ATP2B1: variants seen among roughly 807,000 people sequenced by gnomAD.
ATP2B1 encodes the protein ATPase plasma membrane Ca2+ transporting 1, also known as plasma membrane calcium-transporting ATPase 1.
ATP2B1 carries 14 observed loss-of-function variants against 124.2 expected under a neutral mutation model. The ratio of observed to expected loss-of-function variants is 0.11; its 90% CI spans 0.07 to 0.18. The LOEUF is 0.18. ATP2B1 is among the 10% of genes least tolerant of loss of function. The pLI is 1.00. For synonymous variants in ATP2B1, 449 were observed against 492.4 expected (o/e 0.91, Z 1.17); for missense variants, 763 against 1,466.1 (o/e 0.52, Z 7.83).
Position 89,611,197 on chromosome 12 carries a change from C to A in ATP2B1, c.2243G>T (p.Gly748Val). 6.3e-7 allele frequency: 1 copy of A among 1,584,166 alleles called. No individual in the cohort carries two copies. Among genetic ancestry groups the A allele is most frequent in the South Asian group, 1.2e-5 (1 of 85,638 alleles). Residue 748 changes from glycine (G) to valine (V), a missense_variant, in exon 13 of 21, where the codon GGA becomes GTA. This residue lies in a region of ATP2B1 where 392 missense variants were observed against 776.6 expected (regional missense o/e 0.50). Coordinates refer to ENST00000428670, the MANE Select transcript of ATP2B1 (RefSeq NM_001366521.1). ...AAAATAATAATAAATCTTTACCTCT[C>A]CTTTTTCATTTCGTATTCTTCTGTT... is the stretch of plus-strand genomic sequence containing the variant. ...DFNRRIRNEKGEIEQERIDKI... is the reference protein window; with the variant it reads ...DFNRRIRNEKVEIEQERIDKI...
rs138155180 is a variant in ATP2B1, at chr12:89,684,592, A to G, written c.-222+24004T>C. Among the ~76,000 whole-genome samples the G allele has an allele frequency of 1.8e-4, 28 of 152,356 alleles. No individual in the cohort carries two copies. The East Asian group carries it at 4.0e-3, about 22-fold the overall frequency. On this transcript the variant is annotated intron_variant, in intron 1 of 20. Transcript: ENST00000428670. ...GGGAAATAGTGGTCATTCAGACTAC[A>G]TAACAAATTAGGACTGTTTCAGCAC...
At chr12:89,705,760 G>T (rs1259156021) in intron 1 of ATP2B1, among the ~76,000 whole-genome samples, 1 of 151,708 alleles carries the variant, frequency 6.6e-6, no homozygotes, top group Non-Finnish European at 1.5e-5. Flanking sequence ...TAGTTCGACA[G>T]AGAACACATA....
At chr12:89,677,961 T>TACACAC (rs1371602072) in intron 1 of ATP2B1, among the ~76,000 whole-genome samples, 2 of 25,816 alleles carry the variant, frequency 7.7e-5, no homozygotes, top group East Asian at 1.0e-3. Context: ...GAATTATATA[T>TACACAC]ATATATATAT....
chr12:89,648,819 T>A (rs1368346798), intron 2 of ATP2B1, among the ~76,000 whole-genome samples: 1 of 152,230 alleles, frequency 6.6e-6, no homozygotes, highest in East Asian at 1.9e-4. Flanking sequence ...AGGCCCAGGG[T>A]GCAGCTGTCC....
At chr12:89,693,154 C>T (rs1214154058) in intron 1 of ATP2B1, among the ~76,000 whole-genome samples, 2 of 152,084 alleles carry the variant, frequency 1.3e-5, no homozygotes, top group African/African-American at 4.8e-5. Context: ...AATGACTGTG[C>T]CTAGGGAAGC....
At chr12:89,629,061 T>G (rs1881413475) in intron 6 of ATP2B1, among the ~76,000 whole-genome samples, 1 of 152,002 alleles carries the variant, frequency 6.6e-6, no homozygotes, top group South Asian at 2.1e-4. Flanking sequence ...TGTTCTAGAC[T>G]AGATTAATAA....
At chr12:89,626,379 G>C in intron 8 of ATP2B1, 75 bp downstream of exon 8, 1 of 1,452,344 alleles carries the variant, frequency 6.9e-7, no homozygotes, top group Non-Finnish European at 9.2e-7. Flanking sequence ...CCAGCCTTAA[G>C]TGTGTCAAAA....
upstream of ATP2B1, chr12:89,708,958 G>C (rs1892880539): frequency 6.6e-6 from 1 of 151,500 alleles, no homozygotes; most frequent in African/African-American, 2.4e-5. Context: ...CGGCTCCGCA[G>C]AGCGGCACAC....
In ATP2B1 at chr12:89,620,110, T is replaced by C. The variant is rs372875713; in HGVS notation, c.1718A>G (p.Tyr573Cys). The change falls in exon 11 of 21, where the codon TAC becomes TGC. Residue 573 changes from tyrosine to cysteine, a missense_variant. By Grantham distance (194) the Tyr-to-Cys change is radical (BLOSUM62 -2). Transcript: ENST00000428670. ...VRNEIPEEAL[Y>C]KVYTFNSVRK... ...AACAGAATTGAAGGTGTAGACTTTG[T>C]ACAGTGCTTCTTCTGGTATTTCATT... The C allele has an allele frequency of 5.6e-5, 90 of 1,613,978 alleles. No homozygotes were observed. The highest frequency in any genetic ancestry group is 7.5e-5 in the Non-Finnish European group (88 of 1,179,988).
chr12:89,625,322 G>A lies in ATP2B1; in HGVS notation c.1130-925C>T, dbSNP rs1036098465. Among the ~76,000 whole-genome samples the A allele has an allele frequency of 5.9e-5, 9 of 151,742 alleles. No individual in the cohort carries two copies. The South Asian group carries it at 8.3e-4, about 14-fold the overall frequency. ...GAGGCAGCTGGGCGCAGTGGCTCACGCCTGTAATCCCAGCACTTTGGGAAG... is the reference window on the plus strand; with the variant it reads ...GAGGCAGCTGGGCGCAGTGGCTCACACCTGTAATCCCAGCACTTTGGGAAG... On this transcript the variant is annotated intron_variant, in intron 8 of 20. Coordinates refer to ENST00000428670, the MANE Select transcript of ATP2B1 (RefSeq NM_001366521.1).
chr12:89,596,961 T>C (rs2135891357), intron 20 of ATP2B1, among the ~76,000 whole-genome samples: 1 of 152,284 alleles, frequency 6.6e-6, no homozygotes, highest in East Asian at 1.9e-4. Context: ...AGGGTCATCT[T>C]GGGAGTCACC....
intron 2 of ATP2B1, among the ~76,000 whole-genome samples, chr12:89,653,152 A>G (rs1885478933): frequency 6.6e-6 from 1 of 152,232 alleles, no homozygotes; most frequent in South Asian, 2.1e-4. Flanking sequence ...AAGTTTATAC[A>G]AATTTTAGTA....
chr12:89,613,253 T>C (rs1878368088), intron 12 of ATP2B1, among the ~76,000 whole-genome samples: 2 of 152,170 alleles, frequency 1.3e-5, no homozygotes, highest in African/African-American at 2.4e-5. Flanking sequence ...AGTAATGGGA[T>C]TATAGGTGTG....
intron 1 of ATP2B1, among the ~76,000 whole-genome samples, chr12:89,658,949 T>C (rs1886339168): frequency 6.6e-6 from 1 of 152,356 alleles, no homozygotes; most frequent in African/African-American, 2.4e-5. Context: ...CTACAAATTA[T>C]GCAGCAGGTT....
At chr12:89,689,241 AT>A (rs1382179931) in intron 1 of ATP2B1, among the ~76,000 whole-genome samples, 1 of 152,048 alleles carries the variant, frequency 6.6e-6, no homozygotes, top group Non-Finnish European at 1.5e-5. Flanking sequence ...TCAACAAATA[AT>A]TTTTTAATCC....
chr12:89,610,722 T>A (rs1464113823), intron 13 of ATP2B1: 1 of 506,002 alleles, frequency 2.0e-6, no homozygotes. Context: ...GTTTTAATAA[T>A]CTTGCTAGGT....
rs542824942 is a variant in ATP2B1, at chr12:89,608,890, A to C, written c.2442+1047T>G. Among the ~76,000 whole-genome samples the C allele has an allele frequency of 3.3e-5, 5 of 152,208 alleles. No homozygotes were observed. The South Asian group carries it at 1.0e-3, about 32-fold the overall frequency. On this transcript the variant is annotated intron_variant, in intron 15 of 20. Coordinates refer to ENST00000428670, the MANE Select transcript of ATP2B1 (RefSeq NM_001366521.1). ...TCACATGTCTTCAGAAGCTCCTACC[A>C]ATGCAGCTGCCAACCATTTAAATTT...
rs1166329574 is a variant in ATP2B1 at position 89,635,169 on chromosome 12, T to C, written c.489A>G (p.Val163=). The change falls in exon 4 of 21, where the codon GTA becomes GTG. Residue 163 remains valine (V), a synonymous_variant. Coordinates refer to ENST00000428670, the MANE Select transcript of ATP2B1 (RefSeq NM_001366521.1). ...WIEGAAILLS[V]VCVVLVTAFN... ...AAGCTGTTACTAACACCACACACAC[T>C]ACAGACAAGAGGATTGCAGCTCCTT... 1.6e-5 allele frequency: 26 copies of C among 1,613,734 alleles called. No homozygotes were observed. Among genetic ancestry groups the C allele is most frequent in the Non-Finnish European group, 2.1e-5 (25 of 1,179,860 alleles).
intron 2 of ATP2B1, among the ~76,000 whole-genome samples, chr12:89,645,401 G>A (rs1364764919): frequency 6.6e-6 from 1 of 152,184 alleles, no homozygotes; most frequent in Non-Finnish European, 1.5e-5. Flanking sequence ...TGTTCTACAT[G>A]CTGAGGAGTC....
Sources: gnomAD v4.1 joint callset for allele counts (sites outside exome capture counted in the v4.1 genomes callset) on GRCh38, gnomAD v4.1.1 for gene constraint, gnomAD v4.1.1 regional missense constraint, MANE v1.5 for transcripts, NCBI Gene and HGNC (gene_info 2026-07-23, HGNC 2026-07-21) for gene names.